Variants in ART1 observed in about 807,000 individuals in gnomAD.
ART1 encodes GPI-linked NAD(P)(+)--arginine ADP-ribosyltransferase 1.
In ART1, 29 loss-of-function variants were observed where a neutral mutation model predicts 27.0. That is an observed-to-expected ratio of 1.08 (90% CI 0.80 to 1.47). The LOEUF (loss-of-function observed/expected upper bound fraction) is 1.47, where lower values mean the gene tolerates loss of function less well. Among genes scored for constraint, ART1 ranks in the 40% most tolerant of loss-of-function variants. The pLI is 0.00. For synonymous variants in ART1, 201 were observed against 172.2 expected, an observed-to-expected ratio of 1.17 and a Z score of -1.31; for missense variants, 480 against 423.0, an observed-to-expected ratio of 1.13 and a Z score of -1.18.
chr11:3,652,724 A>T (rs1315790794), intron 1 of ART1, among the ~76,000 whole-genome samples: 2 of 151,486 alleles, frequency 1.3e-5, no homozygotes, highest in Non-Finnish European at 2.9e-5. Flanking sequence ...AACTACTCAT[A>T]CATGTCCTGC....
At chr11:3,664,049 TTCTC>T (rs752804745) in intron 4 of ART1, 39 bp from the exon 5 acceptor site, 37 of 1,591,892 alleles carry the variant, frequency 2.3e-5, no homozygotes, top group East Asian at 4.5e-5. Flanking sequence ...ACCTCTTTTT[TTCTC>T]TCTCTCTCCC....
intron 4 of ART1, among the ~76,000 whole-genome samples, chr11:3,662,010 C>A (rs896308911): frequency 6.6e-6 from 1 of 152,194 alleles, no homozygotes; most frequent in Non-Finnish European, 1.5e-5. Flanking sequence ...ATTCAGGCTG[C>A]ACTGAGGTGA....
At chr11:3,655,018 G>A (rs534633998) in intron 1 of ART1, among the ~76,000 whole-genome samples, 1 of 152,230 alleles carries the variant, frequency 6.6e-6, no homozygotes, top group Non-Finnish European at 1.5e-5. Flanking sequence ...AATCTCAGTG[G>A]CAAACAAACA....
intron 3 of ART1, among the ~76,000 whole-genome samples, chr11:3,660,883 C>G (rs1044540100): frequency 6.6e-6 from 1 of 152,222 alleles, no homozygotes; most frequent in Non-Finnish European, 1.5e-5. Flanking sequence ...CCAGCTCAGG[C>G]TGTGGTCAGG....
At chr11:3,647,913 T>TAGAGGGCAATAAA (rs140854410) in intron 1 of ART1, among the ~76,000 whole-genome samples, 25,689 of 151,190 alleles carry the variant, frequency 0.17, 2,809 homozygotes, top group African/African-American at 0.31. Context: ...TGGAAGAAGA[T>TAGAGGGCAATAAA]AGAGGGCAAT....
chr11:3,664,049 T>C (rs767182207), intron 4 of ART1, 43 bp from the exon 5 acceptor site: 10 of 1,592,008 alleles, frequency 6.3e-6, no homozygotes, highest in Non-Finnish European at 7.7e-6. Context: ...ACCTCTTTTT[T>C]TCTCTCTCTC....
At chr11:3,653,556 G>C (rs2077545480) in intron 1 of ART1, among the ~76,000 whole-genome samples, 1 of 151,962 alleles carries the variant, frequency 6.6e-6, no homozygotes, top group Non-Finnish European at 1.5e-5. Context: ...TTCGGACTCA[G>C]TCCACCTGCA....
rs771808549 is a variant in ART1, at chr11:3,664,110, T to G, written c.905T>G (p.Leu302Arg). 1.9e-6 allele frequency: 3 copies of G among 1,614,020 alleles called. No homozygotes were observed. The South Asian group carries it at 3.3e-5, about 18-fold the overall frequency. Reference protein sequence around the residue: ...LDNSAMGQSPLSAVWSLLLLL... With the variant: ...LDNSAMGQSPRSAVWSLLLLL... ...CCTGCAGCCATGGGTCAGAGCCCCC[T>G]CTCTGCAGTCTGGTCTTTGCTGCTG... is the stretch of plus-strand genomic sequence containing the variant. The change falls in exon 5 of 5, where the codon CTC (leucine) becomes CGC (arginine). Residue 302 changes from leucine (L) to arginine (R), a missense_variant. Physicochemically the swap from Leu to Arg is moderately radical, Grantham distance 102 (BLOSUM62 -2). Coordinates refer to ENST00000250693, the MANE Select transcript of ART1 (RefSeq NM_004314.3).
chr11:3,664,124 T>A lies in ART1; in HGVS notation c.919T>A (p.Ser307Thr). The change falls in exon 5 of 5, where the codon TCT becomes ACT. Residue 307 changes from serine (S) to threonine (T), a missense_variant. Coordinates refer to ENST00000250693, the MANE Select transcript of ART1 (RefSeq NM_004314.3). ...MGQSPLSAVWSLLLLLWFLVV... is the reference protein window; with the variant it reads ...MGQSPLSAVWTLLLLLWFLVV... Reference sequence around the variant, plus strand: ...TCAGAGCCCCCTCTCTGCAGTCTGGTCTTTGCTGCTGCTGCTCTGGTTCCT... The same window carrying A: ...TCAGAGCCCCCTCTCTGCAGTCTGGACTTTGCTGCTGCTGCTCTGGTTCCT... 6.2e-7 allele frequency: 1 copy of A among 1,614,068 alleles called. No homozygotes were observed. Among genetic ancestry groups the A allele is most frequent in the Non-Finnish European group, 8.5e-7 (1 of 1,180,036 alleles).
intron 1 of ART1, among the ~76,000 whole-genome samples, chr11:3,648,963 A>G (rs1171571410): frequency 9.8e-6 from 1 of 102,048 alleles, no homozygotes; most frequent in Non-Finnish European, 2.1e-5. Flanking sequence ...CTGTGCCCCA[A>G]TCCCTTATTT....
At chr11:3,658,731 C>A (rs991121494) in intron 1 of ART1, among the ~76,000 whole-genome samples, 2 of 152,160 alleles carry the variant, frequency 1.3e-5, no homozygotes. Context: ...ACAACCCCTG[C>A]GAGGTGAAGC....
At chr11:3,662,776 G>A (rs11028850) in intron 4 of ART1, among the ~76,000 whole-genome samples, 11,087 of 152,246 alleles carry the variant, frequency 0.073, 1,011 homozygotes, top group African/African-American at 0.21. Context: ...CCTGGGAGGC[G>A]GAGGTTGCTG....
Position 3,664,212 on chromosome 11 carries a change from C to T in ART1, c.*23C>T, listed in dbSNP as rs2077644242. 30 of 1,606,564 alleles carry T rather than the reference C, an allele frequency of 1.9e-5. No individual in the cohort carries two copies. The highest frequency in any genetic ancestry group is 1.7e-4 in the Middle Eastern group (1 of 5,998). ...TGATGCATGAGACACGGGACAGCCT[C>T]GCCTGCTGCCTCTGCCCATCCTGAG... On this transcript the variant is annotated 3_prime_UTR_variant, in exon 5 of 5. Coordinates refer to ENST00000250693, the MANE Select transcript of ART1 (RefSeq NM_004314.3).
intron 1 of ART1, among the ~76,000 whole-genome samples, chr11:3,654,875 TC>T (rs1343519583): frequency 6.6e-6 from 1 of 152,176 alleles, no homozygotes; most frequent in Non-Finnish European, 1.5e-5. Flanking sequence ...AAGCCTCTCC[TC>T]CCCTCAAGCC....
intron 1 of ART1, among the ~76,000 whole-genome samples, chr11:3,654,994 G>C (rs1346454825): frequency 2.0e-5 from 3 of 152,196 alleles, no homozygotes; most frequent in Non-Finnish European, 4.4e-5. Context: ...TAACTATTTT[G>C]CCGTGTGCCA....
intron 1 of ART1, among the ~76,000 whole-genome samples, chr11:3,654,970 G>C (rs1274001175): frequency 6.6e-6 from 1 of 152,230 alleles, no homozygotes; most frequent in Non-Finnish European, 1.5e-5. Context: ...CTGGCCCAGT[G>C]GGCTTTTGCT....
intron 4 of ART1, among the ~76,000 whole-genome samples, chr11:3,662,136 C>T (rs929807946): frequency 1.3e-5 from 2 of 152,234 alleles, no homozygotes; most frequent in Admixed American, 1.3e-4. Flanking sequence ...CCTTTGAAGG[C>T]CATGAGGCCA....
chr11:3,646,626 C>T (rs941476509), intron 1 of ART1, among the ~76,000 whole-genome samples: 1 of 152,190 alleles, frequency 6.6e-6, no homozygotes, highest in Non-Finnish European at 1.5e-5. Context: ...CCTCTGGCTT[C>T]ATCAATCAAG....
At position 3,659,741 on chromosome 11, in the gene ART1, G is replaced by A. The variant is rs759487663; in HGVS notation, c.222G>A (p.Val74=). Residue 74 remains valine, a synonymous_variant, in exon 3 of 5, where the codon GTG becomes GTA. Transcript: ENST00000250693. ...LNHTEFQANQ[V]YADSWTLASS... is the part of the protein sequence containing the mutation. The stretch of plus-strand genomic sequence containing the variant: ...ACACGGAGTTCCAGGCCAACCAGGT[G>A]TATGCAGACAGCTGGACACTGGCAA... 7 of 1,613,972 alleles carry A rather than the reference G, an allele frequency of 4.3e-6. No homozygotes were observed. Among genetic ancestry groups the A allele is most frequent in the South Asian group, 1.1e-5 (1 of 91,068 alleles).
Sources: gnomAD v4.1 joint callset for allele counts (sites outside exome capture counted in the v4.1 genomes callset) on GRCh38, gnomAD v4.1.1 for gene constraint, MANE v1.5 for transcripts, NCBI Gene and HGNC (gene_info 2026-07-23, HGNC 2026-07-21) for gene names.